The following HRAS variants were observed in gnomAD, a reference collection of about 807,000 sequenced individuals.
The protein encoded by HRAS is GTPase HRas.
Under a neutral mutation model 19.8 loss-of-function variants are expected in HRAS, and 11 were observed. The ratio of observed to expected loss-of-function variants is 0.55; its 90% CI spans 0.35 to 0.92. The LOEUF is 0.92. HRAS is among the 40% of genes least tolerant of loss of function. The pLI, the probability that HRAS is intolerant of heterozygous loss-of-function variation, is 0.01. For missense variants in HRAS, 204 were observed against 255.9 expected, an observed-to-expected ratio of 0.80 and a Z score of 1.38; for synonymous variants, 149 against 105.5, an observed-to-expected ratio of 1.41 and a Z score of -2.52.
rs111720508 is a variant in HRAS, at chr11:535,369, G to A, written c.-54+47C>T. The A allele has an allele frequency of 0.049, 7,129 of 146,864 alleles. 196 individuals are homozygous for A. The highest frequency in any genetic ancestry group is 0.1 in the Middle Eastern group (29 of 288). 9.1% of individuals were successfully genotyped at this position (146,864 alleles called of 1,614,324 possible). A position where few individuals can be genotyped will look rare whatever the true frequency, so the allele number is the denominator to read the frequency against. On this transcript the variant is annotated intron_variant, in intron 1 of 5. Coordinates refer to ENST00000311189, the MANE Select transcript of HRAS (RefSeq NM_005343.4). ...CGCGCCGCGCGTATTGCTGCCGCCT[G>A]GGGGCGAGGAGGGCGCGCGGCCCGG...
rs111372582 is a variant in HRAS, at chr11:533,807, G to A, written c.249C>T (p.Ala83=). The change falls in exon 3 of 6, where the codon GCC becomes GCT. Residue 83 remains alanine (A), a synonymous_variant. Transcript: ENST00000311189. ...CCTCAAAAGACTTGGTGTTGTTGAT[G>A]GCAAACACACACAGGAAGCCCTCCC... ...RTGEGFLCVF[A]INNTKSFEDI... 4.3e-5 allele frequency: 69 copies of A among 1,613,252 alleles called. No homozygotes were observed. Among genetic ancestry groups the A allele is most frequent in the Non-Finnish European group, 5.6e-5 (66 of 1,180,006 alleles).
chr11:532,711 C>G lies in HRAS; in HGVS notation c.495G>C (p.Gln165His), dbSNP rs2133982327. The G allele has an allele frequency of 6.2e-7, 1 of 1,613,204 alleles. No individual in the cohort carries two copies. The stretch of plus-strand genomic sequence containing the variant: ...GAGGGTTCAGCTTCCGCAGCTTGTG[C>G]TGCCGGATCTCACGCACCAACGTGT... ...AFYTLVREIR[Q>H]HKLRKLNPPD... The change falls in exon 5 of 6, where the codon CAG (glutamine) becomes CAC (histidine). Residue 165 changes from glutamine (Q) to histidine (H), a missense_variant. This residue lies in a region of HRAS where 142 missense variants were observed against 141.1 expected (regional missense o/e 1.01). Transcript: ENST00000311189.
intron 2 of HRAS, 122 bp from the exon 3 acceptor site, chr11:534,066 C>A (rs879038333): frequency 4.9e-6 from 6 of 1,215,980 alleles, no homozygotes; most frequent in Non-Finnish European, 7.2e-6. Context: ...GGTGCTGAGA[C>A]GAGGGACTCC....
intron 1 of HRAS, 157 bp from the exon 2 acceptor site, chr11:534,532 C>A: frequency 1.7e-6 from 1 of 598,436 alleles, no homozygotes; most frequent in South Asian, 2.0e-5. Flanking sequence ...GCAGCTGCAA[C>A]CCAGCGTGCG....
chr11:534,407 A>AGGCCCAGCCCCAGGCCCC, intron 1 of HRAS, 32 bp from the exon 2 acceptor site: 2 of 709,990 alleles, frequency 2.8e-6, no homozygotes, highest in Non-Finnish European at 4.1e-6. Context: ...AGCCAGGCCC[A>AGGCCCAGCCCCAGGCCCC]GGCCCAGCCC....
Position 534,201 on chromosome 11 carries a change from G to A in HRAS, c.111+11C>T, listed in dbSNP as rs758933104. 4.4e-6 allele frequency: 7 copies of A among 1,598,034 alleles called. No homozygotes were observed. Among genetic ancestry groups the A allele is most frequent in the Admixed American group, 3.3e-5 (2 of 59,978 alleles). On this transcript the variant is annotated intron_variant, in intron 2 of 5. Coordinates refer to ENST00000311189, the MANE Select transcript of HRAS (RefSeq NM_005343.4). ...CAGCTGCTGGCACCTGGACGGCGGC[G>A]CCAGGCTCACCTCTATAGTGGGGTC...
At position 532,382 on chromosome 11, in the gene HRAS, T is replaced by C; in HGVS notation, c.*146A>G. ...TCTGTGCACAGCCTCCCTGGGAGGGTCTGCAGTCACCTCGGCCCACGGTCC... is the reference window on the plus strand; with the variant it reads ...TCTGTGCACAGCCTCCCTGGGAGGGCCTGCAGTCACCTCGGCCCACGGTCC... On this transcript the variant is annotated 3_prime_UTR_variant, in exon 6 of 6. Transcript: ENST00000311189. 1.7e-6 allele frequency: 1 copy of C among 587,076 alleles called. No homozygotes were observed. The highest frequency in any genetic ancestry group is 3.0e-6 in the Non-Finnish European group (1 of 329,222). The allele number at this position is 587,076 out of a possible 1,614,324, so 36.4% of individuals were successfully genotyped here.
intron 4 of HRAS, chr11:533,232 C>G: frequency 6.7e-7 from 1 of 1,491,080 alleles, no homozygotes. Flanking sequence ...AGCCCAGACC[C>G]CGGCCCTCGC....
intron 4 of HRAS, 187 bp downstream of exon 4, chr11:533,266 G>T (rs377733297): frequency 8.9e-6 from 14 of 1,575,384 alleles, no homozygotes; most frequent in South Asian, 1.1e-5. Flanking sequence ...CTGCCGTCCC[G>T]GGAGACTTAC....
intron 5 of HRAS, 27 bp from the exon 6 acceptor site, chr11:532,549 G>A: frequency 3.2e-6 from 5 of 1,550,500 alleles, no homozygotes; most frequent in Non-Finnish European, 4.3e-6. Flanking sequence ...GGAGGCTGCT[G>A]ACCGCAGGCC....
chr11:533,739 C>T (rs992164926), intron 3 of HRAS, 27 bp downstream of exon 3: 4 of 1,612,834 alleles, frequency 2.5e-6, no homozygotes, highest in Middle Eastern at 3.3e-4. Context: ...GCGGCGTGGG[C>T]TCCCGGGCCA....
chr11:534,497 C>G (rs982406710), intron 1 of HRAS, 122 bp from the exon 2 acceptor site: 2 of 618,886 alleles, frequency 3.2e-6, no homozygotes, highest in African/African-American at 3.7e-5. Context: ...CGCCAGGCAG[C>G]AAGGACTGCA....
rs2133990979 is a variant in HRAS at position 533,872 on chromosome 11, C to T, written c.184G>A (p.Glu62Lys). ...LLDILDTAGQ[E>K]EYSAMRDQYM... ...TGGTCCCGCATGGCGCTGTACTCCT[C>T]CTGGCCGGCGGTATCCAGGATGTCC... The change falls in exon 3 of 6, where the codon GAG becomes AAG. Residue 62 changes from glutamate to lysine, a missense_variant. Physicochemically the swap from Glu to Lys is moderately conservative, Grantham distance 56. Coordinates refer to ENST00000311189, the MANE Select transcript of HRAS (RefSeq NM_005343.4). 1 of 1,613,386 alleles carries T rather than the reference C, an allele frequency of 6.2e-7. No individual in the cohort carries two copies. Among genetic ancestry groups the T allele is most frequent in the Non-Finnish European group, 8.5e-7 (1 of 1,180,010 alleles).
rs1367688831 is a variant in HRAS at position 533,961 on chromosome 11, C to T, written c.112-17G>A. On this transcript the variant is annotated splice_polypyrimidine_tract_variant and intron_variant, in intron 2 of 5. Coordinates refer to ENST00000311189, the MANE Select transcript of HRAS (RefSeq NM_005343.4). ...GTAGGAATCCTGCAGGAGGACAGGG[C>T]TCAGGGACCCCCTCAGGACCTTCCG... is the stretch of plus-strand genomic sequence containing the variant. The T allele has an allele frequency of 6.2e-7, 1 of 1,607,660 alleles. No homozygotes were observed. Among genetic ancestry groups the T allele is most frequent in the African/African-American group, 1.3e-5 (1 of 74,918 alleles).
In HRAS at chr11:532,696, C is replaced by T. The variant is rs397517143; in HGVS notation, c.510G>A (p.Lys170=). 1.5e-5 allele frequency: 25 copies of T among 1,613,124 alleles called. No individual in the cohort carries two copies. In the East Asian group the frequency reaches 3.8e-4, roughly 24 times the overall value. ...VREIRQHKLR[K]LNPPDESGPG... ...GGCCACTCTCATCAGGAGGGTTCAG[C>T]TTCCGCAGCTTGTGCTGCCGGATCT... Residue 170 remains lysine (K), a synonymous_variant, in exon 5 of 6, where the codon AAG becomes AAA. Transcript: ENST00000311189.
chr11:533,685 A>G, intron 3 of HRAS, 73 bp from the exon 4 acceptor site: 1 of 1,611,280 alleles, frequency 6.2e-7, no homozygotes, highest in Non-Finnish European at 8.5e-7. Context: ...CGCAGAGAGG[A>G]CAGGAGGCCC....
intron 5 of HRAS, 51 bp downstream of exon 5, chr11:532,580 G>A: frequency 6.3e-7 from 1 of 1,582,584 alleles, no homozygotes; most frequent in Non-Finnish European, 8.5e-7. Context: ...CAGGGGCGGG[G>A]AGCCGGGGTC....
rs1851293836 is a variant in HRAS, at chr11:534,015, C to T, written c.112-71G>A. 4.0e-6 allele frequency: 6 copies of T among 1,516,892 alleles called. No individual in the cohort carries two copies. The Admixed American group carries it at 6.7e-5, about 17-fold the overall frequency. 94.0% of individuals were successfully genotyped at this position (1,516,892 alleles called of 1,614,324 possible). A position where few individuals can be genotyped will look rare whatever the true frequency, so the allele number is the denominator to read the frequency against. On this transcript the variant is annotated intron_variant, in intron 2 of 5. Transcript: ENST00000311189. ...GGGGAGTTCACACAGCCAGCCTCTC[C>T]CTGGTACCTCTCATGCCCCTCATGC... is the stretch of plus-strand genomic sequence containing the variant.
chr11:533,320 G>A, intron 4 of HRAS, 133 bp downstream of exon 4: 1 of 1,603,274 alleles, frequency 6.2e-7, no homozygotes, highest in Non-Finnish European at 8.5e-7. Flanking sequence ...GGGGGTCCCA[G>A]AGGGTCCCGG....
Sources: allele counts gnomAD v4.1 joint callset, GRCh38; gene constraint gnomAD v4.1.1; regional missense constraint gnomAD v4.1.1; transcripts MANE v1.5; gene names NCBI Gene and HGNC (gene_info 2026-07-23, HGNC 2026-07-21).